The following UBP1 variants were observed in gnomAD, a reference collection of about 807,000 sequenced individuals.
UBP1 encodes the protein upstream binding protein 1.
In UBP1, 22 loss-of-function variants were observed where a neutral mutation model predicts 76.1. The observed-to-expected ratio is 0.29, with a 90% CI of 0.21 to 0.41. The LOEUF (loss-of-function observed/expected upper bound fraction) is 0.41, where lower values mean the gene tolerates loss of function less well. Ranked by LOEUF, UBP1 falls within the 10% of genes least tolerant of loss-of-function variation. The pLI is 1.00. For synonymous variants in UBP1, 224 were observed against 237.1 expected (o/e 0.94, Z 0.51); for missense variants, 436 against 668.1 (o/e 0.65, Z 3.83).
intron 1 of UBP1, among the ~76,000 whole-genome samples, chr3:33,435,402 T>C (rs1280978866): frequency 6.6e-6 from 1 of 152,180 alleles, no homozygotes; most frequent in African/African-American, 2.4e-5. Context: ...ATCAACCCAT[T>C]GTAAGTTGAA....
chr3:33,421,532 A>T (rs991135497), intron 2 of UBP1, among the ~76,000 whole-genome samples: 1 of 152,132 alleles, frequency 6.6e-6, no homozygotes, highest in Non-Finnish European at 1.5e-5. Context: ...AGCCTCCCAA[A>T]GTGCTGGGAT....
At chr3:33,435,579 C>T (rs2045191556) in intron 1 of UBP1, among the ~76,000 whole-genome samples, 1 of 152,208 alleles carries the variant, frequency 6.6e-6, no homozygotes, top group African/African-American at 2.4e-5. Flanking sequence ...GTCAAGACTG[C>T]AGTGAGCCAT....
At chr3:33,392,721 G>T in intron 14 of UBP1, 107 bp from the exon 15 acceptor site, 1 of 1,021,016 alleles carries the variant, frequency 9.8e-7, no homozygotes, top group African/African-American at 1.6e-5. Context: ...AGGACTCAAT[G>T]GCCAAAACGA....
At chr3:33,405,223 T>C (rs1352480269) in intron 8 of UBP1, among the ~76,000 whole-genome samples, 1 of 152,068 alleles carries the variant, frequency 6.6e-6, no homozygotes, top group Non-Finnish European at 1.5e-5. Flanking sequence ...CATAAAACTA[T>C]GTCATATTAG....
At position 33,393,341 on chromosome 3, in the gene UBP1, T is replaced by C. The variant is rs772206116; in HGVS notation, c.1504A>G (p.Thr502Ala). 1.9e-6 allele frequency: 3 copies of C among 1,609,348 alleles called. No homozygotes were observed. The highest frequency in any genetic ancestry group is 2.2e-5 in the South Asian group (2 of 89,902). Reference protein sequence around the residue: ...QINQVYRQGPTGIHILVSDQM... With the variant: ...QINQVYRQGPAGIHILVSDQM... ...TCACTAACAAGAATGTGAATACCGG[T>C]GGGACCCTGTCTGTAAACCTGATTA... Residue 502 changes from threonine to alanine, a missense_variant, in exon 14 of 16, where the codon ACC becomes GCC. Thr to Ala is a moderately conservative substitution (Grantham distance 58, BLOSUM62 0). This residue lies in a region of UBP1 where 210 missense variants were observed against 272.8 expected (regional missense o/e 0.77). Transcript: ENST00000283629.
chr3:33,423,185 G>A (rs1189555486), intron 2 of UBP1, among the ~76,000 whole-genome samples: 3 of 151,936 alleles, frequency 2.0e-5, no homozygotes, highest in Admixed American at 6.6e-5. Flanking sequence ...GACTACAGGT[G>A]TGTGCCACCA....
chr3:33,401,783 A>G (rs1205085668), intron 9 of UBP1, among the ~76,000 whole-genome samples: 1 of 152,230 alleles, frequency 6.6e-6, no homozygotes, highest in Non-Finnish European at 1.5e-5. Flanking sequence ...CCAGTCTACT[A>G]GTGAGTACAT....
chr3:33,413,684 C>T (rs1396813361), intron 3 of UBP1, among the ~76,000 whole-genome samples: 3 of 151,988 alleles, frequency 2.0e-5, no homozygotes, highest in Non-Finnish European at 4.4e-5. Context: ...TCCCAGCAGC[C>T]AATTAAAAGC....
chr3:33,412,228 C>T (rs12493761), intron 4 of UBP1, among the ~76,000 whole-genome samples: 55,839 of 147,840 alleles, frequency 0.38, 11,428 homozygotes, highest in East Asian at 0.6. Flanking sequence ...TACAATTAAA[C>T]GGTTTCAAAA....
chr3:33,392,888 G>T (rs758252792), intron 14 of UBP1: 1 of 380,016 alleles, frequency 2.6e-6, no homozygotes, highest in East Asian at 4.1e-5. Flanking sequence ...ATGATGACTC[G>T]AACAAAAATT....
At chr3:33,397,317 T>C in intron 11 of UBP1, 182 bp from the exon 12 acceptor site, 1 of 476,804 alleles carries the variant, frequency 2.1e-6, no homozygotes, top group Non-Finnish European at 3.6e-6. Flanking sequence ...AGGAAAATGC[T>C]GGCTTTTCCA....
At chr3:33,406,100 G>A (rs1351014333) in intron 8 of UBP1, among the ~76,000 whole-genome samples, 3 of 152,150 alleles carry the variant, frequency 2.0e-5, no homozygotes, top group African/African-American at 7.2e-5. Flanking sequence ...ACACAACAAT[G>A]CCCATTCTTT....
At chr3:33,398,288 A>G (rs955219235) in intron 11 of UBP1, 1 of 152,236 alleles carries the variant, frequency 6.6e-6, no homozygotes, top group Non-Finnish European at 1.5e-5. Context: ...GCAATAGCCT[A>G]CTAAATTTCT....
intron 8 of UBP1, 191 bp from the exon 9 acceptor site, chr3:33,403,095 T>C: frequency 1.8e-6 from 1 of 543,072 alleles, no homozygotes. Context: ...GCTGTGTGCG[T>C]CTAGACACTG....
intron 4 of UBP1, among the ~76,000 whole-genome samples, chr3:33,411,943 T>A (rs1015525627): frequency 3.3e-5 from 5 of 152,056 alleles, no homozygotes; most frequent in Non-Finnish European, 7.4e-5. Context: ...TCCCAGCACT[T>A]TGGGAGGCCA....
At chr3:33,426,029 ATATATATATAGC>A (rs2045010436) in intron 1 of UBP1, among the ~76,000 whole-genome samples, 1 of 89,158 alleles carries the variant, frequency 1.1e-5, no homozygotes, top group Admixed American at 1.6e-4. Flanking sequence ...ATATATATAT[ATATATATATAGC>A]ACTTTAAAAA....
chr3:33,413,965 A>T (rs753393612), intron 3 of UBP1, among the ~76,000 whole-genome samples: 1 of 152,214 alleles, frequency 6.6e-6, no homozygotes, highest in African/African-American at 2.4e-5. Flanking sequence ...AAAATATCAC[A>T]GTTCTAATTG....
chr3:33,417,406 T>A (rs998798272), intron 2 of UBP1, among the ~76,000 whole-genome samples: 1 of 152,192 alleles, frequency 6.6e-6, no homozygotes, highest in Admixed American at 6.5e-5. Flanking sequence ...ATTTGTGCCT[T>A]GCTTTTTAAA....
chr3:33,433,918 T>A (rs994452392), intron 1 of UBP1, among the ~76,000 whole-genome samples: 1 of 151,902 alleles, frequency 6.6e-6, no homozygotes, highest in African/African-American at 2.4e-5. Context: ...AGCAAGACCC[T>A]GTCTCTAAAA....
Sources: allele counts gnomAD v4.1 joint callset (sites outside exome capture counted in the v4.1 genomes callset), GRCh38; gene constraint gnomAD v4.1.1; regional missense constraint gnomAD v4.1.1; transcripts MANE v1.5; gene names NCBI Gene and HGNC (gene_info 2026-07-23, HGNC 2026-07-21).